Variants in RAD51B observed in about 807,000 individuals in gnomAD.
RAD51B encodes DNA repair protein RAD51 homolog 2.
In RAD51B, 38 loss-of-function variants were observed where a neutral mutation model predicts 42.2. The ratio of observed to expected loss-of-function variants is 0.90; its 90% CI spans 0.70 to 1.18. The LOEUF is 1.18. RAD51B is among the 50% of genes most tolerant of loss of function. RAD51B has a pLI of 0.00. For missense variants in RAD51B, 373 were observed against 400.7 expected, an observed-to-expected ratio of 0.93 and a Z score of 0.59; for synonymous variants, 154 against 145.2, an observed-to-expected ratio of 1.06 and a Z score of -0.43.
intron 10 of RAD51B, chr14:68,563,357 C>T (rs1889250343): frequency 2.0e-6 from 2 of 985,318 alleles, no homozygotes; most frequent in Admixed American, 6.1e-5. Context: ...GCCAGGCCTT[C>T]CCAGTGATAC....
intron 7 of RAD51B, among the ~76,000 whole-genome samples, chr14:68,077,691 C>T (rs567784641): frequency 1.9e-4 from 29 of 152,350 alleles, no homozygotes; most frequent in African/African-American, 6.5e-4. Flanking sequence ...AGTGGTGGCT[C>T]ATACCTGTAA....
At chr14:68,237,632 C>T (rs143567140) in intron 7 of RAD51B, among the ~76,000 whole-genome samples, 16 of 151,710 alleles carry the variant, frequency 1.1e-4, no homozygotes, top group African/African-American at 3.9e-4. Context: ...CTTTCTGTCT[C>T]TATGGATTTG....
intron 4 of RAD51B, among the ~76,000 whole-genome samples, chr14:67,844,734 A>G (rs1259088157): frequency 6.6e-6 from 1 of 151,730 alleles, no homozygotes; most frequent in Admixed American, 6.6e-5. Context: ...CTCGTCATTT[A>G]CATTAGGTAT....
chr14:68,593,049 CAG>C (rs1459541783), intron 10 of RAD51B, among the ~76,000 whole-genome samples: 1 of 152,214 alleles, frequency 6.6e-6, no homozygotes. Context: ...AGAAGCAAGA[CAG>C]AGTCCTGTTG....
At chr14:67,991,723 G>C (rs1385069166) in intron 7 of RAD51B, among the ~76,000 whole-genome samples, 3 of 152,130 alleles carry the variant, frequency 2.0e-5, no homozygotes, top group African/African-American at 4.8e-5. Context: ...AGGAAGGATG[G>C]CTTAAATTAT....
intron 8 of RAD51B, among the ~76,000 whole-genome samples, chr14:68,389,979 A>G (rs148213496): frequency 2.0e-5 from 3 of 152,238 alleles, no homozygotes; most frequent in Non-Finnish European, 2.9e-5. Flanking sequence ...AATTCTGAGA[A>G]TGGCTTGTTA....
At chr14:67,865,235 C>T (rs2139991778) in intron 5 of RAD51B, 96 bp downstream of exon 5, 2 of 1,193,962 alleles carry the variant, frequency 1.7e-6, no homozygotes, top group Non-Finnish European at 1.1e-6. Flanking sequence ...CACCCCTCCC[C>T]CTTGCCTTTT....
At chr14:68,225,824 G>T (rs1362233663) in intron 7 of RAD51B, among the ~76,000 whole-genome samples, 8 of 152,176 alleles carry the variant, frequency 5.3e-5, no homozygotes, top group Admixed American at 3.3e-4. Flanking sequence ...AACACAAGAG[G>T]CTTAAACTGC....
chr14:67,958,448 A>G (rs558528210), intron 7 of RAD51B, among the ~76,000 whole-genome samples: 1 of 152,164 alleles, frequency 6.6e-6, no homozygotes, highest in Admixed American at 6.5e-5. Context: ...AAAAGATGAA[A>G]AATACAGAGA....
chr14:68,496,466 A>G (rs959637811), intron 10 of RAD51B, among the ~76,000 whole-genome samples: 4 of 152,038 alleles, frequency 2.6e-5, no homozygotes, highest in Admixed American at 2.6e-4. Flanking sequence ...TTCCTTTAAC[A>G]CTGGGGTCCA....
intron 7 of RAD51B, among the ~76,000 whole-genome samples, chr14:67,951,093 GC>G (rs2074435200): frequency 6.6e-6 from 1 of 152,148 alleles, no homozygotes; most frequent in African/African-American, 2.4e-5. Context: ...GTGAGAATAA[GC>G]AAAATGTGAC....
At chr14:68,613,194 T>C (rs1163654959), downstream of RAD51B, among the ~76,000 whole-genome samples, 1 of 152,116 alleles carries the variant, frequency 6.6e-6, no homozygotes, top group East Asian at 1.9e-4. Flanking sequence ...GGTGGGCAGA[T>C]CACCTGAGGT....
intron 8 of RAD51B, among the ~76,000 whole-genome samples, chr14:68,379,833 C>T (rs1188266639): frequency 1.3e-5 from 2 of 152,190 alleles, no homozygotes; most frequent in East Asian, 1.9e-4. Flanking sequence ...AAGCAAGGCT[C>T]CCATGGGTGT....
chr14:68,600,362 G>A (rs1307295403), downstream of RAD51B, among the ~76,000 whole-genome samples: 1 of 152,214 alleles, frequency 6.6e-6, no homozygotes, highest in African/African-American at 2.4e-5. Flanking sequence ...GGGCCAGCAT[G>A]CTGGTGGCCC....
chr14:68,469,301 C>A (rs1195793431), intron 10 of RAD51B, among the ~76,000 whole-genome samples: 1 of 152,256 alleles, frequency 6.6e-6, no homozygotes, highest in East Asian at 1.9e-4. Flanking sequence ...ATATGCAGGG[C>A]AGGCTGGAGA....
intron 7 of RAD51B, among the ~76,000 whole-genome samples, chr14:68,212,482 G>A (rs1409284536): frequency 6.6e-6 from 1 of 152,206 alleles, no homozygotes; most frequent in African/African-American, 2.4e-5. Context: ...TCCTTTGGGT[G>A]GTCAGCAGTT....
At chr14:67,909,503 TA>T (rs2043893259) in intron 7 of RAD51B, among the ~76,000 whole-genome samples, 1 of 152,184 alleles carries the variant, frequency 6.6e-6, no homozygotes, top group Non-Finnish European at 1.5e-5. Flanking sequence ...AGGAAACAAA[TA>T]AGAATATATC....
chr14:68,157,548 T>C (rs1225339169), intron 7 of RAD51B, among the ~76,000 whole-genome samples: 1 of 152,216 alleles, frequency 6.6e-6, no homozygotes, highest in African/African-American at 2.4e-5. Flanking sequence ...ACTTCTGTCC[T>C]GCAGTATATC....
chr14:68,200,833 T>A (rs2079469834), intron 7 of RAD51B, among the ~76,000 whole-genome samples: 1 of 151,834 alleles, frequency 6.6e-6, no homozygotes, highest in Non-Finnish European at 1.5e-5. Flanking sequence ...TTTTTTTTTA[T>A]TTTTAGTAGA....
Sources: allele counts gnomAD v4.1 joint callset (sites outside exome capture counted in the v4.1 genomes callset), GRCh38; gene constraint gnomAD v4.1.1; transcripts MANE v1.5; gene names NCBI Gene and HGNC (gene_info 2026-07-23, HGNC 2026-07-21).